CHD7: variants seen among roughly 807,000 people sequenced by gnomAD.
CHD7 encodes the protein chromodomain helicase DNA binding protein 7.
In CHD7, 24 loss-of-function variants were observed where a neutral mutation model predicts 307.3. The ratio of observed to expected loss-of-function variants is 0.08; its 90% CI spans 0.06 to 0.11. The LOEUF (loss-of-function observed/expected upper bound fraction) is 0.11. Among genes scored for constraint, CHD7 ranks in the 10% least tolerant of loss-of-function variants. The pLI is 1.00. For missense variants in CHD7, 3,106 were observed against 3,727.1 expected (o/e 0.83, Z 4.34); for synonymous variants, 1,363 against 1,349.9 (o/e 1.01, Z -0.21).
intron 1 of CHD7, 28 bp downstream of exon 1, chr8:60,679,110 CCGGGAGGGGCGGCGGCGGCGGCGG>C (rs1318144713): frequency 1.9e-5 from 3 of 155,448 alleles, no homozygotes; most frequent in Non-Finnish European, 2.7e-5. Context: ...CCCGGCGCCC[CCGGGAGGGGCGGCGGCGGCGGCGG>C]CGGCAGGAAA....
intron 21 of CHD7, 117 bp downstream of exon 21, chr8:60,842,169 AAATG>A (rs1805005798): frequency 5.0e-6 from 4 of 797,438 alleles, no homozygotes. Context: ...TTGCACAGTC[AAATG>A]AATGCTTCTG....
At chr8:60,723,760 A>C (rs1808030247) in intron 1 of CHD7, among the ~76,000 whole-genome samples, 1 of 152,176 alleles carries the variant, frequency 6.6e-6, no homozygotes, top group Admixed American at 6.6e-5. Context: ...TACTCCATAG[A>C]TTGTGTTTGG....
intron 6 of CHD7, among the ~76,000 whole-genome samples, chr8:60,802,336 T>C (rs1308057169): frequency 6.6e-6 from 1 of 152,210 alleles, no homozygotes; most frequent in East Asian, 1.9e-4. Context: ...TTGCTTAGTT[T>C]GAATAATTAC....
rs1805526666 is a variant in CHD7, at chr8:60,852,956, G to A, written c.6231G>A (p.Arg2077=). 1.2e-6 allele frequency: 2 copies of A among 1,613,980 alleles called. No homozygotes were observed. Among genetic ancestry groups the A allele is most frequent in the Middle Eastern group, 1.6e-4 (1 of 6,062 alleles). ...QVLHHPQLGE[R]LKLCQPSLDL... ...TCCATCACCCCCAGCTGGGAGAGAG[G>A]CTTAAGCTCTGCCAGCCAAGCTTGG... Residue 2077 remains arginine (R), a synonymous_variant, in exon 31 of 38, where the codon AGG becomes AGA. Coordinates refer to ENST00000423902, the MANE Select transcript of CHD7 (RefSeq NM_017780.4).
At chr8:60,841,570 A>T in intron 19 of CHD7, 74 bp from the exon 20 acceptor site, 4 of 1,164,112 alleles carry the variant, frequency 3.4e-6, no homozygotes, top group Non-Finnish European at 5.2e-6. Flanking sequence ...GAGCAAATAC[A>T]TAAACAAAAG....
rs1812621787 is a variant in CHD7, at chr8:60,808,078, A to T, written c.2443-139A>T. On this transcript the variant is annotated intron_variant, in intron 6 of 37. Transcript: ENST00000423902. ...CGTGGCCCTGGCCACCTCCCAGCACACGGTGTGCTCATCTTACGTGAAGGT... is the reference window on the plus strand; with the variant it reads ...CGTGGCCCTGGCCACCTCCCAGCACTCGGTGTGCTCATCTTACGTGAAGGT... 26 of 654,232 alleles carry T rather than the reference A, an allele frequency of 4.0e-5. 1 individual carries two copies. The South Asian group carries it at 4.8e-4, about 12-fold the overall frequency. 40.5% of individuals were successfully genotyped at this position (654,232 alleles called of 1,614,324 possible).
At chr8:60,750,972 TA>T (rs1423769189) in intron 2 of CHD7, among the ~76,000 whole-genome samples, 11 of 152,226 alleles carry the variant, frequency 7.2e-5, no homozygotes, top group African/African-American at 2.4e-4. Flanking sequence ...AATGCAGTAC[TA>T]GGGGGTGTGC....
chr8:60,823,693 C>T, intron 12 of CHD7, 147 bp from the exon 13 acceptor site: 2 of 710,102 alleles, frequency 2.8e-6, no homozygotes, highest in Non-Finnish European at 4.6e-6. Context: ...TTAAAACTGC[C>T]AAAATAACTT....
intron 1 of CHD7, among the ~76,000 whole-genome samples, chr8:60,713,049 CAAA>C (rs373922396): frequency 4.9e-5 from 5 of 102,156 alleles, no homozygotes; most frequent in African/African-American, 1.6e-4. Flanking sequence ...AACTCTGTCT[CAAA>C]AAAAAAAAAA....
intron 32 of CHD7, 66 bp from the exon 33 acceptor site, chr8:60,855,909 G>A: frequency 1.9e-6 from 2 of 1,028,680 alleles, no homozygotes; most frequent in Admixed American, 2.1e-5. Flanking sequence ...CTTGATGGAT[G>A]TATTTATCTA....
intron 2 of CHD7, among the ~76,000 whole-genome samples, chr8:60,780,740 G>C (rs1811173055): frequency 6.6e-6 from 1 of 152,142 alleles, no homozygotes; most frequent in South Asian, 2.1e-4. Flanking sequence ...AGTTGAGTGA[G>C]TTTTTACTTC....
At chr8:60,840,530 T>A (rs952401767) in intron 19 of CHD7, among the ~76,000 whole-genome samples, 2 of 152,190 alleles carry the variant, frequency 1.3e-5, no homozygotes, top group African/African-American at 4.8e-5. Context: ...TGGGATGATA[T>A]CTCACTATGT....
At position 60,852,498 on chromosome 8, in the gene CHD7, G is replaced by A. The variant is rs1805499950; in HGVS notation, c.5895G>A (p.Lys1965=). 1.2e-6 allele frequency: 2 copies of A among 1,612,340 alleles called. No individual in the cohort carries two copies. Among genetic ancestry groups the A allele is most frequent in the East Asian group, 2.2e-5 (1 of 44,894 alleles). The stretch of plus-strand genomic sequence containing the variant: ...CAAGCTAATATAATCTTTCTAACAG[G>A]TGGACAAGAAGAGAAGAGGCTGATT... The part of the protein sequence containing the change: ...REAIISEKRQ[K]WTRREEADFY... The change falls in exon 30 of 38, where the codon AAG becomes AAA. Residue 1965 remains lysine (K), a splice_region_variant and synonymous_variant. Transcript: ENST00000423902.
chr8:60,696,659 C>G (rs1223878651), intron 1 of CHD7, among the ~76,000 whole-genome samples: 3 of 150,062 alleles, frequency 2.0e-5, no homozygotes, highest in Non-Finnish European at 4.4e-5. Flanking sequence ...TTTAAATATT[C>G]TAAATTTTAT....
chr8:60,842,152 C>T, intron 21 of CHD7, 100 bp downstream of exon 21: 2 of 919,458 alleles, frequency 2.2e-6, no homozygotes, highest in Non-Finnish European at 3.3e-6. Flanking sequence ...ATTTGTGTGA[C>T]ACCCCTTTGC....
intron 19 of CHD7, among the ~76,000 whole-genome samples, chr8:60,840,527 A>G (rs527260917): frequency 1.3e-5 from 2 of 151,806 alleles, no homozygotes; most frequent in South Asian, 2.1e-4. Context: ...TTTTGGGATG[A>G]TATCTCACTA....
At chr8:60,753,197 G>A (rs545658852) in intron 2 of CHD7, among the ~76,000 whole-genome samples, 1 of 152,226 alleles carries the variant, frequency 6.6e-6, no homozygotes, top group East Asian at 1.9e-4. Flanking sequence ...TTTTGTCATC[G>A]ATTTCTCTGA....
intron 4 of CHD7, among the ~76,000 whole-genome samples, chr8:60,797,800 G>A (rs1350638017): frequency 6.6e-6 from 1 of 152,212 alleles, no homozygotes; most frequent in East Asian, 1.9e-4. Context: ...TGGTCCAGAA[G>A]TGAGGAATGG....
Position 60,858,560 on chromosome 8 carries a change from T to A in CHD7, c.7608+1672T>A, listed in dbSNP as rs574366761. Among the ~76,000 whole-genome samples, 272 of 152,312 alleles carry A rather than the reference T, an allele frequency of 1.8e-3. 1 individual carries two copies. Among genetic ancestry groups the A allele is most frequent in the African/African-American group, 6.4e-3 (267 of 41,576 alleles). On this transcript the variant is annotated intron_variant, in intron 34 of 37. Coordinates refer to ENST00000423902, the MANE Select transcript of CHD7 (RefSeq NM_017780.4). ...TTGGGAAGTTTCTGCAGCTGACACTTCTTTTTGTTTGTTATCATGTTCAAT... is the reference window on the plus strand; with the variant it reads ...TTGGGAAGTTTCTGCAGCTGACACTACTTTTTGTTTGTTATCATGTTCAAT...
Sources: allele counts gnomAD v4.1 joint callset (sites outside exome capture counted in the v4.1 genomes callset), GRCh38; gene constraint gnomAD v4.1.1; transcripts MANE v1.5; gene names NCBI Gene and HGNC (gene_info 2026-07-23, HGNC 2026-07-21).